The following ASTN1 variants were observed in gnomAD, a reference collection of about 807,000 sequenced individuals.
ASTN1 encodes the protein astrotactin 1, also known as astrotactin-1.
A neutral mutation model predicts 140.7 loss-of-function variants in ASTN1; 41 were observed. That is an observed-to-expected ratio of 0.29 (90% CI 0.23 to 0.38). The LOEUF (loss-of-function observed/expected upper bound fraction) is 0.38. ASTN1 is among the 10% of genes least tolerant of loss of function. ASTN1 has a pLI of 1.00. For missense variants in ASTN1, 1,479 were observed against 1,678.8 expected, an observed-to-expected ratio of 0.88 and a Z score of 2.08; for synonymous variants, 640 against 652.2, an observed-to-expected ratio of 0.98 and a Z score of 0.29.
Position 176,934,700 on chromosome 1 carries a change from T to C in ASTN1, c.2483-360A>G, listed in dbSNP as rs373579072. 7.9e-5 allele frequency among the ~76,000 whole-genome samples: 12 copies of C among 152,192 alleles called. No homozygotes were observed. The East Asian group carries it at 2.3e-3, about 29-fold the overall frequency. On this transcript the variant is annotated intron_variant, in intron 15 of 22. Transcript: ENST00000361833. The stretch of plus-strand genomic sequence containing the variant: ...AGCATTTGAAAAAAGCAGAAACAAT[T>C]AGCATAGTCTAAAACAGAAACACAA...
intron 8 of ASTN1, among the ~76,000 whole-genome samples, chr1:177,010,028 G>A (rs956806608): frequency 2.0e-5 from 3 of 152,100 alleles, no homozygotes; most frequent in Non-Finnish European, 4.4e-5. Context: ...AGGCCCTTGG[G>A]TGTACTTTTA....
In ASTN1 at chr1:176,949,319, G is replaced by T. The variant is rs772392591; in HGVS notation, c.1920C>A (p.Ser640Arg). The change falls in exon 12 of 23, where the codon AGC (serine) becomes AGA (arginine). Residue 640 changes from serine to arginine, a missense_variant. Around this residue, in one of 3 missense-constraint regions of ASTN1, gnomAD observed 729 missense variants for 860.4 expected, o/e 0.85. Coordinates refer to ENST00000361833, the MANE Select transcript of ASTN1 (RefSeq NM_004319.3). ...CPSGLSPMKD[S>R]SGCYDRHIGV... is the part of the protein sequence containing the mutation. The stretch of plus-strand genomic sequence containing the variant: ...CGATGTGGCGGTCATAGCAGCCAGA[G>T]CTGTCCTTCATGGGACTGAGTCCAG... 5.6e-6 allele frequency: 9 copies of T among 1,614,102 alleles called. No individual in the cohort carries two copies. The South Asian group carries it at 9.9e-5, about 18-fold the overall frequency.
intron 2 of ASTN1, among the ~76,000 whole-genome samples, chr1:177,037,084 T>G (rs1052398815): frequency 6.6e-5 from 10 of 152,196 alleles, no homozygotes; most frequent in African/African-American, 2.2e-4. Context: ...CCTCCCAAAG[T>G]GGTGGGATTA....
chr1:177,068,614 G>C (rs936718876), intron 1 of ASTN1, among the ~76,000 whole-genome samples: 1 of 151,974 alleles, frequency 6.6e-6, no homozygotes, highest in African/African-American at 2.4e-5. Flanking sequence ...TCAAACCATG[G>C]GACTAGATTT....
At chr1:176,965,131 G>A (rs747924830) in intron 9 of ASTN1, 32 bp downstream of exon 9, 23 of 1,596,100 alleles carry the variant, frequency 1.4e-5, no homozygotes, top group Middle Eastern at 1.7e-4. Context: ...GTTTGCAGAC[G>A]TACATAAGCA....
At chr1:176,898,131 T>C (rs1032819200) in intron 16 of ASTN1, among the ~76,000 whole-genome samples, 1 of 152,114 alleles carries the variant, frequency 6.6e-6, no homozygotes, top group African/African-American at 2.4e-5. Flanking sequence ...ATGCAGCGAA[T>C]CCCCCTCAAA....
intron 16 of ASTN1, among the ~76,000 whole-genome samples, chr1:176,906,857 A>T (rs899037464): frequency 6.6e-6 from 1 of 151,468 alleles, no homozygotes; most frequent in East Asian, 1.9e-4. Flanking sequence ...AAAAAAAAAA[A>T]AAAGAAAAAA....
intron 11 of ASTN1, among the ~76,000 whole-genome samples, chr1:176,957,232 T>G (rs1161086663): frequency 6.6e-6 from 1 of 152,128 alleles, no homozygotes; most frequent in African/African-American, 2.4e-5. Context: ...AACGAAGTAC[T>G]TTAGGAGCCC....
chr1:176,906,039 C>T (rs1385230495), intron 16 of ASTN1, among the ~76,000 whole-genome samples: 2 of 152,228 alleles, frequency 1.3e-5, no homozygotes, highest in Non-Finnish European at 2.9e-5. Context: ...TTAAAAGAGC[C>T]TGGTGACTAA....
Position 176,861,174 on chromosome 1 carries a change from A to G in ASTN1, c.*3110T>C, listed in dbSNP as rs770902902. ...TGTTATACCTGAAGATGGTCATATT[A>G]TATTCTTTCTTCCTTCTGCAGTAGT... On this transcript the variant is annotated 3_prime_UTR_variant, in exon 23 of 23. Transcript: ENST00000361833. 175 of 957,578 alleles carry G rather than the reference A, an allele frequency of 1.8e-4. No individual in the cohort carries two copies. Among genetic ancestry groups the G allele is most frequent in the Non-Finnish European group, 2.1e-4 (166 of 804,476 alleles). 59.3% of individuals were successfully genotyped at this position (957,578 alleles called of 1,614,324 possible).
At chr1:177,143,109 T>G (rs1021899784) in intron 1 of ASTN1, among the ~76,000 whole-genome samples, 1 of 152,164 alleles carries the variant, frequency 6.6e-6, no homozygotes, top group Non-Finnish European at 1.5e-5. Flanking sequence ...TTCTTAGCAA[T>G]CATCTCTGCA....
chr1:177,145,505 C>A (rs565561068), intron 1 of ASTN1, among the ~76,000 whole-genome samples: 43 of 152,166 alleles, frequency 2.8e-4, no homozygotes, highest in African/African-American at 9.9e-4. Flanking sequence ...CCCATATGGC[C>A]GAAGGGAATG....
At chr1:176,881,071 G>C (rs778054598) in intron 20 of ASTN1, among the ~76,000 whole-genome samples, 8 of 152,148 alleles carry the variant, frequency 5.3e-5, no homozygotes, top group Non-Finnish European at 1.0e-4. Flanking sequence ...TTAATCTAGG[G>C]CTCTGTCCCT....
intron 20 of ASTN1, among the ~76,000 whole-genome samples, chr1:176,879,877 C>T (rs1668715398): frequency 6.6e-6 from 1 of 152,188 alleles, no homozygotes. Flanking sequence ...TTTGGAGGGC[C>T]CACTGAAAGA....
At chr1:176,893,083 T>C (rs1669335534) in intron 17 of ASTN1, among the ~76,000 whole-genome samples, 1 of 152,202 alleles carries the variant, frequency 6.6e-6, no homozygotes, top group Non-Finnish European at 1.5e-5. Flanking sequence ...TTCCTTCAGC[T>C]TCCCCATTTT....
intron 21 of ASTN1, 74 bp downstream of exon 21, chr1:176,876,463 C>G: frequency 6.7e-7 from 1 of 1,497,150 alleles, no homozygotes; most frequent in Admixed American, 1.7e-5. Context: ...TCTCTTGGTC[C>G]TTCTGTCCTC....
chr1:176,956,838 C>G (rs1406287722), intron 11 of ASTN1, among the ~76,000 whole-genome samples: 1 of 152,230 alleles, frequency 6.6e-6, no homozygotes, highest in Non-Finnish European at 1.5e-5. Context: ...TCAGTCTTCA[C>G]ATCCATGATG....
chr1:177,034,037 C>T (rs1325856381), intron 2 of ASTN1, among the ~76,000 whole-genome samples: 1 of 152,078 alleles, frequency 6.6e-6, no homozygotes, highest in Non-Finnish European at 1.5e-5. Flanking sequence ...TTCAATCATA[C>T]CTCCCTATCA....
intron 2 of ASTN1, among the ~76,000 whole-genome samples, chr1:177,041,523 C>T (rs1040221296): frequency 6.6e-6 from 1 of 152,198 alleles, no homozygotes; most frequent in Non-Finnish European, 1.5e-5. Context: ...CCCTTCAAAA[C>T]TTCACAAGCC....
Sources: allele counts gnomAD v4.1 joint callset (sites outside exome capture counted in the v4.1 genomes callset), GRCh38; gene constraint gnomAD v4.1.1; regional missense constraint gnomAD v4.1.1; transcripts MANE v1.5; gene names NCBI Gene and HGNC (gene_info 2026-07-23, HGNC 2026-07-21).